ZNF331: variants seen among roughly 807,000 people sequenced by gnomAD.
ZNF331 encodes the protein C2H2-like zinc finger protein rearranged in thyroid adenomas.
A neutral mutation model predicts 7.0 loss-of-function variants in ZNF331; 2 were observed. That is an observed-to-expected ratio of 0.29 (90% CI 0.12 to 0.90). The LOEUF is 0.90. Ranked by LOEUF, ZNF331 falls within the 40% of genes least tolerant of loss-of-function variation. ZNF331 has a pLI of 0.58. For missense variants in ZNF331, 432 were observed against 587.7 expected (o/e 0.74, Z 2.74); for synonymous variants, 196 against 205.4 (o/e 0.95, Z 0.39).
intron 4 of ZNF331, among the ~76,000 whole-genome samples, chr19:53,569,758 G>A (rs2090346063): frequency 6.6e-6 from 1 of 152,124 alleles, no homozygotes; most frequent in South Asian, 2.1e-4. Flanking sequence ...TAGATAAGAG[G>A]GAATGCTCAT....
At position 53,539,528 on chromosome 19, in the gene ZNF331, G is replaced by A. The variant is rs2087985581; in HGVS notation, c.-138+246G>A. On this transcript the variant is annotated intron_variant, in intron 2 of 5. Transcript: ENST00000449416. This position sits in a 1 kb window ranked among gnomAD's most constrained non-coding sequence, Gnocchi z 6.1. ...CTAAGTCTGGATGTCTGTACATCAG[G>A]AGCAACGTACATATGAAGGTAACTG... The A allele has an allele frequency of 6.6e-6, 1 of 152,164 alleles. No homozygotes were observed. The highest frequency in any genetic ancestry group is 2.1e-4 in the South Asian group (1 of 4,832). 9.4% of individuals were successfully genotyped at this position (152,164 alleles called of 1,614,324 possible).
the ZNF331 span, among the ~76,000 whole-genome samples, chr19:53,509,455 G>A: frequency 3.9e-5 from 6 of 152,290 alleles, no homozygotes; most frequent in African/African-American, 9.6e-5. Flanking sequence ...AACACCATAC[G>A]TGTAGAGAAG....
intron 2 of ZNF331, chr19:53,523,480 A>G (rs2087169760): frequency 6.6e-6 from 1 of 152,078 alleles, no homozygotes; most frequent in Non-Finnish European, 1.5e-5. Context: ...CAGCCTCCCA[A>G]AGTCCTGGGA....
Position 53,577,837 on chromosome 19 carries a change from T to G in ZNF331, c.1277T>G (p.Leu426Arg). The change falls in exon 6 of 6, where the codon CTT (leucine) becomes CGT (arginine). Residue 426 changes from leucine (L) to arginine (R), a missense_variant. Leu to Arg is a moderately radical substitution (Grantham distance 102). Around this residue, in one of 3 missense-constraint regions of ZNF331, gnomAD observed 312 missense variants for 448.6 expected, o/e 0.70. Coordinates refer to ENST00000449416, the MANE Select transcript of ZNF331 (RefSeq NM_001079906.2). ...CGKSFSHGHQ[L>R]TQHQKTHSGA... ...AAGAGCTTTAGTCACGGCCATCAGC[T>G]TACACAACATCAGAAAACGCACAGT... 1 of 1,613,866 alleles carries G rather than the reference T, an allele frequency of 6.2e-7. No homozygotes were observed. Among genetic ancestry groups the G allele is most frequent in the Non-Finnish European group, 8.5e-7 (1 of 1,179,998 alleles).
At chr19:53,559,603 A>G (rs987827043) in intron 3 of ZNF331, among the ~76,000 whole-genome samples, 1 of 138,874 alleles carries the variant, frequency 7.2e-6, no homozygotes, top group Non-Finnish European at 1.5e-5. Flanking sequence ...ACATGTACAT[A>G]CACACCCCAT....
rs1427872931 is a variant in ZNF331 at position 53,577,231 on chromosome 19, T to A, written c.671T>A (p.Phe224Tyr). The A allele has an allele frequency of 6.2e-7, 1 of 1,613,828 alleles. No homozygotes were observed. Among genetic ancestry groups the A allele is most frequent in the Non-Finnish European group, 8.5e-7 (1 of 1,179,998 alleles). The change falls in exon 6 of 6, where the codon TTT becomes TAT. Residue 224 changes from phenylalanine (F) to tyrosine (Y), a missense_variant. Transcript: ENST00000449416. Reference sequence around the variant, plus strand: ...GAATGTAAAGACTGTGGAAAGGCCTTTCGGCGTGGTGATGAGCTCACTCAG... The same window carrying A: ...GAATGTAAAGACTGTGGAAAGGCCTATCGGCGTGGTGATGAGCTCACTCAG... Reference protein sequence around the residue: ...PYECKDCGKAFRRGDELTQHQ... With the variant: ...PYECKDCGKAYRRGDELTQHQ...
chr19:53,547,043 C>T (rs1196761057), intron 2 of ZNF331, among the ~76,000 whole-genome samples: 4 of 152,156 alleles, frequency 2.6e-5, no homozygotes, highest in Admixed American at 2.0e-4. Context: ...AGCTGATTAA[C>T]ATATCCCTCC....
Position 53,577,389 on chromosome 19 carries a change from G to A in ZNF331, c.829G>A (p.Gly277Arg). The change falls in exon 6 of 6, where the codon GGG becomes AGG. Residue 277 changes from glycine to arginine, a missense_variant. By Grantham distance (125) the Gly-to-Arg change is moderately radical. Around this residue, in one of 3 missense-constraint regions of ZNF331, gnomAD observed 312 missense variants for 448.6 expected, o/e 0.70. Coordinates refer to ENST00000449416, the MANE Select transcript of ZNF331 (RefSeq NM_001079906.2). ...GAAGCCTTACGAGTGTAAAGACTGTGGGAAGGCTTTTATTTGTGGTTCAAG... is the reference window on the plus strand; with the variant it reads ...GAAGCCTTACGAGTGTAAAGACTGTAGGAAGGCTTTTATTTGTGGTTCAAG... ...GEKPYECKDC[G>R]KAFICGSSLI... 1.2e-6 allele frequency: 2 copies of A among 1,614,212 alleles called. No homozygotes were observed. Among genetic ancestry groups the A allele is most frequent in the Non-Finnish European group, 1.7e-6 (2 of 1,180,032 alleles).
intron 2 of ZNF331, among the ~76,000 whole-genome samples, chr19:53,525,029 C>G (rs899856084): frequency 6.6e-6 from 1 of 152,188 alleles, no homozygotes; most frequent in African/African-American, 2.4e-5. Context: ...GGAATCCTTT[C>G]CCCATTTCTT....
intron 4 of ZNF331, among the ~76,000 whole-genome samples, chr19:53,569,978 G>A (rs1379621330): frequency 1.3e-5 from 2 of 152,214 alleles, no homozygotes; most frequent in Middle Eastern, 3.4e-3. Flanking sequence ...ACAGGGGGCC[G>A]GGTGTGGTGG....
upstream of ZNF331, among the ~76,000 whole-genome samples, chr19:53,520,432 A>G (rs1348855851): frequency 1.3e-5 from 2 of 152,202 alleles, no homozygotes; most frequent in Admixed American, 1.3e-4. Flanking sequence ...TTATAACTGT[A>G]GGCCCCTAGA....
chr19:53,514,192 A>T, the ZNF331 span, among the ~76,000 whole-genome samples: 1 of 151,040 alleles, frequency 6.6e-6, no homozygotes, highest in African/African-American at 2.4e-5. Flanking sequence ...CCAATAACTA[A>T]TATATTTTTT....
chr19:53,566,363 G>A (rs1275486640), intron 3 of ZNF331, among the ~76,000 whole-genome samples: 1 of 152,080 alleles, frequency 6.6e-6, no homozygotes, highest in East Asian at 1.9e-4. Context: ...CATGATCTCG[G>A]CTCGCTGCAA....
chr19:53,541,326 G>A (rs757303532), intron 2 of ZNF331, among the ~76,000 whole-genome samples: 2 of 151,944 alleles, frequency 1.3e-5, no homozygotes, highest in Non-Finnish European at 2.9e-5. Context: ...GGCTGGTCTC[G>A]AGCTCCCGAC....
upstream of ZNF331, among the ~76,000 whole-genome samples, chr19:53,517,160 G>A (rs182813461): frequency 3.4e-4 from 52 of 152,082 alleles, no homozygotes; most frequent in Middle Eastern, 3.4e-3. Context: ...TAGAAAACGC[G>A]CACAACAGCA....
At chr19:53,556,168 G>A (rs1378721147) in intron 3 of ZNF331, among the ~76,000 whole-genome samples, 2 of 150,392 alleles carry the variant, frequency 1.3e-5, no homozygotes, top group Non-Finnish European at 1.5e-5. Flanking sequence ...GCGGGAACCC[G>A]GGAGGCGGAG....
chr19:53,529,317 G>A (rs574443873), intron 2 of ZNF331, among the ~76,000 whole-genome samples: 7 of 151,808 alleles, frequency 4.6e-5, no homozygotes, highest in South Asian at 2.1e-4. Flanking sequence ...GGAGAATGGC[G>A]TGAACCCGGG....
intron 3 of ZNF331, among the ~76,000 whole-genome samples, chr19:53,561,232 C>T (rs951012729): frequency 6.6e-6 from 1 of 151,486 alleles, no homozygotes; most frequent in Admixed American, 6.6e-5. Context: ...TACAGTGTGC[C>T]TGCTCCCCCA....
intron 2 of ZNF331, among the ~76,000 whole-genome samples, chr19:53,527,818 A>G (rs1431855412): frequency 6.6e-6 from 1 of 151,990 alleles, no homozygotes; most frequent in African/African-American, 2.4e-5. Context: ...ATAGAATTAG[A>G]GATACGCCAT....
Sources: gnomAD v4.1 joint callset for allele counts (sites outside exome capture counted in the v4.1 genomes callset) on GRCh38, gnomAD v4.1.1 for gene constraint, gnomAD v4.1.1 regional missense constraint, Gnocchi (gnomAD v3.1) non-coding constraint, MANE v1.5 for transcripts, NCBI Gene and HGNC (gene_info 2026-07-23, HGNC 2026-07-21) for gene names.